The following THSD4 variants were observed in gnomAD, a reference collection of about 807,000 sequenced individuals.
THSD4 encodes thrombospondin type-1 domain-containing protein 4.
In THSD4, 69 loss-of-function variants were observed where a neutral mutation model predicts 119.0. That is an observed-to-expected ratio of 0.58 (90% CI 0.48 to 0.71). The LOEUF is 0.71. Among genes scored for constraint, THSD4 ranks in the 30% least tolerant of loss-of-function variants. The pLI, the probability that THSD4 is intolerant of heterozygous loss-of-function variation, is 0.00. For synonymous variants in THSD4, 524 were observed against 540.4 expected (o/e 0.97, Z 0.42); for missense variants, 1,393 against 1,391.1 (o/e 1.00, Z -0.02).
intron 7 of THSD4, among the ~76,000 whole-genome samples, chr15:71,519,791 G>A (rs1023060695): frequency 1.3e-5 from 2 of 152,198 alleles, no homozygotes; most frequent in East Asian, 1.9e-4. Flanking sequence ...TGAAGGAGGA[G>A]GATAGTGCTT....
chr15:71,641,570 G>C (rs1553), intron 7 of THSD4, among the ~76,000 whole-genome samples: 1 of 151,870 alleles, frequency 6.6e-6, no homozygotes, highest in Non-Finnish European at 1.5e-5. Context: ...GCTAGTGTAT[G>C]GCCAACAGAA....
chr15:71,352,192 A>G (rs953257933), intron 6 of THSD4, among the ~76,000 whole-genome samples: 1 of 152,172 alleles, frequency 6.6e-6, no homozygotes, highest in African/African-American at 2.4e-5. Flanking sequence ...TTTCCCAACC[A>G]GGAACATGCT....
chr15:71,486,247 T>C (rs766612301), intron 7 of THSD4, among the ~76,000 whole-genome samples: 1 of 152,152 alleles, frequency 6.6e-6, no homozygotes, highest in Non-Finnish European at 1.5e-5. Context: ...ATTGGAGATA[T>C]TAAGTCCTGA....
rs556873625 is a variant in THSD4 at position 71,486,496 on chromosome 15, C to T, written c.1152+74673C>T. On this transcript the variant is annotated intron_variant, in intron 7 of 17. Coordinates refer to ENST00000261862, the MANE Select transcript of THSD4 (RefSeq NM_024817.3). ...TGCCCATTCTCTCACTTACGTGTGG[C>T]ATAAGTGGCATACATGGCTTACCAT... is the stretch of plus-strand genomic sequence containing the variant. Among the ~76,000 whole-genome samples, 10 of 152,258 alleles carry T rather than the reference C, an allele frequency of 6.6e-5. No individual in the cohort carries two copies. In the South Asian group the frequency reaches 2.1e-3, roughly 32 times the overall value.
chr15:71,235,044 C>T (rs1025939957), intron 4 of THSD4, among the ~76,000 whole-genome samples: 1 of 152,182 alleles, frequency 6.6e-6, no homozygotes, highest in Non-Finnish European at 1.5e-5. Context: ...TTAAAAGATA[C>T]GTGTGGTCAT....
At chr15:71,219,017 AT>A (rs527545154) in intron 4 of THSD4, among the ~76,000 whole-genome samples, 40 of 150,160 alleles carry the variant, frequency 2.7e-4, no homozygotes, top group African/African-American at 8.8e-4. Flanking sequence ...CAAAATTACC[AT>A]TTTTTTTTTA....
intron 6 of THSD4, among the ~76,000 whole-genome samples, chr15:71,382,109 A>T (rs2046236535): frequency 6.6e-6 from 1 of 152,162 alleles, no homozygotes. Context: ...TATTTTAAGG[A>T]CAAATACAGA....
At chr15:71,172,706 T>TATATATATATATATATATATATATGTGAC (rs2043389617) in intron 3 of THSD4, among the ~76,000 whole-genome samples, 2 of 110,826 alleles carry the variant, frequency 1.8e-5, no homozygotes, top group African/African-American at 8.6e-5. Context: ...TATATATATA[T>TATATATATATATATATATATATATGTGAC]ATATATATAT....
chr15:71,233,452 C>G (rs1418750242), intron 4 of THSD4, among the ~76,000 whole-genome samples: 1 of 152,090 alleles, frequency 6.6e-6, no homozygotes, highest in East Asian at 1.9e-4. Flanking sequence ...GTACATTTTT[C>G]ATATACTGTA....
At chr15:71,149,256 G>T (rs1438165747) in intron 2 of THSD4, among the ~76,000 whole-genome samples, 2 of 150,904 alleles carry the variant, frequency 1.3e-5, no homozygotes, top group Admixed American at 6.6e-5. Context: ...AAACATTTTT[G>T]TTTTTTTGAG....
intron 1 of THSD4, among the ~76,000 whole-genome samples, chr15:71,104,712 G>A (rs111539827): frequency 6.6e-5 from 10 of 152,282 alleles, no homozygotes; most frequent in African/African-American, 2.2e-4. Flanking sequence ...GGTTCGGCCC[G>A]AAAAGGTGTG....
At chr15:71,434,855 T>C (rs1271293484) in intron 7 of THSD4, among the ~76,000 whole-genome samples, 5 of 152,150 alleles carry the variant, frequency 3.3e-5, no homozygotes, top group Non-Finnish European at 5.9e-5. Context: ...ATATTCTGGG[T>C]TTTTAATTTT....
intron 7 of THSD4, among the ~76,000 whole-genome samples, chr15:71,648,392 C>G (rs1171114451): frequency 2.0e-5 from 3 of 152,180 alleles, no homozygotes; most frequent in Non-Finnish European, 2.9e-5. Context: ...ATGCCCAACC[C>G]ATAGGCTCCA....
chr15:71,530,681 G>T (rs949962631), intron 7 of THSD4, among the ~76,000 whole-genome samples: 5 of 152,062 alleles, frequency 3.3e-5, no homozygotes, highest in African/African-American at 1.2e-4. Context: ...CATCCAGTTT[G>T]CCTTGATTAA....
chr15:71,448,000 C>T (rs1437644519), intron 7 of THSD4, among the ~76,000 whole-genome samples: 3 of 152,178 alleles, frequency 2.0e-5, no homozygotes, highest in African/African-American at 7.2e-5. Context: ...GTAGCTTTCT[C>T]GGCAGCTCTG....
intron 10 of THSD4, among the ~76,000 whole-genome samples, chr15:71,735,832 C>G (rs563234884): frequency 2.0e-5 from 3 of 151,490 alleles, no homozygotes; most frequent in East Asian, 2.0e-4. Context: ...CTCTCTTGCT[C>G]TCTGTCTCTT....
intron 3 of THSD4, among the ~76,000 whole-genome samples, chr15:71,190,491 A>G (rs899646984): frequency 1.3e-5 from 2 of 152,224 alleles, no homozygotes; most frequent in African/African-American, 4.8e-5. Flanking sequence ...GCTGACAGCT[A>G]TCGGACTGAG....
chr15:71,512,270 A>C (rs1448228424), intron 7 of THSD4, among the ~76,000 whole-genome samples: 4 of 152,188 alleles, frequency 2.6e-5, no homozygotes, highest in African/African-American at 9.7e-5. Context: ...TGTAGCTCAC[A>C]GGTTTTCTCA....
At chr15:71,408,389 C>T (rs540449504) in intron 6 of THSD4, among the ~76,000 whole-genome samples, 15 of 152,174 alleles carry the variant, frequency 9.9e-5, no homozygotes, top group South Asian at 6.2e-4. Flanking sequence ...TGCACCCTCA[C>T]GCCCACCTAA....
Sources: gnomAD v4.1 joint callset for allele counts (sites outside exome capture counted in the v4.1 genomes callset) on GRCh38, gnomAD v4.1.1 for gene constraint, MANE v1.5 for transcripts, NCBI Gene and HGNC (gene_info 2026-07-23, HGNC 2026-07-21) for gene names.